NFX1: variants seen among roughly 807,000 people sequenced by gnomAD.
NFX1 encodes nuclear transcription factor, X-box binding 1, also known as transcriptional repressor NF-X1.
In NFX1, 69 loss-of-function variants were observed where a neutral mutation model predicts 137.2. That is an observed-to-expected ratio of 0.50 (90% CI 0.41 to 0.61). NFX1 has a LOEUF of 0.61. Ranked by LOEUF, NFX1 falls within the 20% of genes least tolerant of loss-of-function variation. The pLI, the probability that NFX1 is intolerant of heterozygous loss-of-function variation, is 0.00. For missense variants in NFX1, 1,167 were observed against 1,391.0 expected (o/e 0.84, Z 2.56); for synonymous variants, 495 against 474.1 (o/e 1.04, Z -0.57).
In NFX1 at chr9:33,366,645, A is replaced by G; in HGVS notation, c.3056A>G (p.Lys1019Arg). ...TCAATACAGGGAAAGAATAGTAAGA[A>G]AAGCCACAGCTTCCCTCCCATGAAC... The part of the protein sequence containing the change: ...EAVNKGKNSK[K>R]SHSFPPMNRD... Residue 1019 changes from lysine (K) to arginine (R), a missense_variant, in exon 22 of 24, where the codon AAA becomes AGA. Physicochemically the swap from Lys to Arg is conservative, Grantham distance 26 (BLOSUM62 2). This residue lies in a region of NFX1 where 312 missense variants were observed against 312.8 expected (regional missense o/e 1.00). Transcript: ENST00000379540. The G allele has an allele frequency of 3.1e-6, 5 of 1,614,148 alleles. No homozygotes were observed. Among genetic ancestry groups the G allele is most frequent in the Non-Finnish European group, 4.2e-6 (5 of 1,180,034 alleles).
chr9:33,337,999 A>G (rs1235019208), intron 11 of NFX1, among the ~76,000 whole-genome samples: 1 of 149,130 alleles, frequency 6.7e-6, no homozygotes, highest in East Asian at 2.0e-4. Flanking sequence ...CAGTGAGCCA[A>G]GATTGCGCCA....
chr9:33,352,512 T>C, intron 16 of NFX1, 134 bp from the exon 17 acceptor site: 1 of 760,108 alleles, frequency 1.3e-6, no homozygotes, highest in Non-Finnish European at 2.3e-6. Context: ...GGTTAGCTTC[T>C]TCCAGCTTGG....
chr9:33,366,181 A>G (rs550832389), intron 21 of NFX1, among the ~76,000 whole-genome samples: 1 of 152,318 alleles, frequency 6.6e-6, no homozygotes, highest in South Asian at 2.1e-4. Context: ...CTCCTAATTA[A>G]GAAACCCCAA....
In NFX1 at chr9:33,350,975, C is replaced by G. The variant is rs558188998; in HGVS notation, c.2425-585C>G. ...AGCCATCTGGCCAACATGGCGAAAC[C>G]CCAACTAAAAATACAAAAATTAGCT... On this transcript the variant is annotated intron_variant, in intron 15 of 23. Transcript: ENST00000379540. 5.3e-5 allele frequency among the ~76,000 whole-genome samples: 8 copies of G among 152,082 alleles called. No individual in the cohort carries two copies. The South Asian group carries it at 1.7e-3, about 32-fold the overall frequency.
chr9:33,304,979 A>G (rs924130366), intron 4 of NFX1, among the ~76,000 whole-genome samples: 5 of 152,262 alleles, frequency 3.3e-5, no homozygotes, highest in African/African-American at 9.6e-5. Flanking sequence ...GTGAAGGTCA[A>G]GATGATCTGA....
intron 9 of NFX1, among the ~76,000 whole-genome samples, chr9:33,320,627 T>A (rs1004699037): frequency 1.3e-5 from 2 of 152,368 alleles, no homozygotes; most frequent in African/African-American, 4.8e-5. Flanking sequence ...AGTAATACTA[T>A]ACTGAGCCTA....
chr9:33,320,951 GTCT>G (rs1192739658), intron 9 of NFX1, among the ~76,000 whole-genome samples: 1 of 152,156 alleles, frequency 6.6e-6, no homozygotes, highest in Non-Finnish European at 1.5e-5. Context: ...GAGAAGTGCT[GTCT>G]TCTTGTATTT....
intron 4 of NFX1, among the ~76,000 whole-genome samples, chr9:33,304,024 T>C (rs1246360503): frequency 6.6e-6 from 1 of 152,222 alleles, no homozygotes; most frequent in African/African-American, 2.4e-5. Context: ...CCCAGCACTT[T>C]GGGAGGCCAA....
At chr9:33,366,532 CTT>C in intron 21 of NFX1, 95 bp from the exon 22 acceptor site, 2 of 1,454,754 alleles carry the variant, frequency 1.4e-6, no homozygotes, top group Non-Finnish European at 1.9e-6. Context: ...AAAATCACCT[CTT>C]ATTGATCCCT....
chr9:33,307,412 AC>A, intron 5 of NFX1, 113 bp downstream of exon 5: 2 of 846,034 alleles, frequency 2.4e-6, no homozygotes, highest in South Asian at 3.1e-5. Context: ...GTGATATGGG[AC>A]CTCAGTAAAT....
chr9:33,369,856 C>G lies in NFX1; in HGVS notation c.3291-50C>G, dbSNP rs374772335. On this transcript the variant is annotated intron_variant, in intron 23 of 23. Transcript: ENST00000379540. The stretch of plus-strand genomic sequence containing the variant: ...TCCTTAACTTTCTGAAGTCCTGTAT[C>G]TGTTTCCCCCAAAGAAGAAAAGACT... The G allele has an allele frequency of 3.7e-6, 5 of 1,335,076 alleles. No homozygotes were observed. The African/African-American group carries it at 4.3e-5, about 12-fold the overall frequency. The allele number at this position is 1,335,076 out of a possible 1,614,324, so 82.7% of individuals were successfully genotyped here.
intron 7 of NFX1, among the ~76,000 whole-genome samples, chr9:33,315,297 A>G (rs962144105): frequency 1.3e-5 from 2 of 151,632 alleles, no homozygotes; most frequent in Non-Finnish European, 2.9e-5. Context: ...TTTGCTCTCC[A>G]GAGTGAATAT....
intron 19 of NFX1, among the ~76,000 whole-genome samples, chr9:33,356,938 G>A (rs1484834268): frequency 6.7e-6 from 1 of 149,898 alleles, no homozygotes. Context: ...GCTACAGTGA[G>A]CCATGATCAC....
At chr9:33,295,950 T>G (rs543878040) in intron 2 of NFX1, among the ~76,000 whole-genome samples, 1 of 152,316 alleles carries the variant, frequency 6.6e-6, no homozygotes, top group East Asian at 1.9e-4. Flanking sequence ...ATTTGTTTTT[T>G]TGAGAGGAGT....
At chr9:33,316,757 A>G (rs1218387597) in intron 7 of NFX1, among the ~76,000 whole-genome samples, 3 of 152,166 alleles carry the variant, frequency 2.0e-5, no homozygotes, top group Admixed American at 1.3e-4. Flanking sequence ...GTTCCTTAAT[A>G]TTATTTAACC....
chr9:33,315,291 C>G (rs1250465246), intron 7 of NFX1, among the ~76,000 whole-genome samples: 1 of 150,978 alleles, frequency 6.6e-6, no homozygotes, highest in South Asian at 2.1e-4. Context: ...CCCCTTTTTG[C>G]TCTCCAGAGT....
intron 1 of NFX1, 51 bp from the exon 2 acceptor site, chr9:33,294,369 C>G: frequency 6.7e-7 from 1 of 1,483,156 alleles, no homozygotes; most frequent in Non-Finnish European, 9.0e-7. Flanking sequence ...CTATGAGTTT[C>G]ATGGATGAAG....
chr9:33,336,306 C>T (rs1810684055), intron 11 of NFX1, among the ~76,000 whole-genome samples: 1 of 152,178 alleles, frequency 6.6e-6, no homozygotes, highest in African/African-American at 2.4e-5. Flanking sequence ...AACTCCACCT[C>T]CCAGGTTCGA....
chr9:33,351,321 G>A (rs375957446), intron 15 of NFX1, among the ~76,000 whole-genome samples: 2 of 151,848 alleles, frequency 1.3e-5, no homozygotes, highest in African/African-American at 2.4e-5. Flanking sequence ...TTAGCTGGGC[G>A]TGGTGGCATG....
Sources: gnomAD v4.1 joint callset for allele counts (sites outside exome capture counted in the v4.1 genomes callset) on GRCh38, gnomAD v4.1.1 for gene constraint, gnomAD v4.1.1 regional missense constraint, MANE v1.5 for transcripts, NCBI Gene and HGNC (gene_info 2026-07-23, HGNC 2026-07-21) for gene names.